The following RIF1 variants were observed in gnomAD, a reference collection of about 807,000 sequenced individuals.
The protein encoded by RIF1 is telomere-associated protein RIF1.
Under a neutral mutation model 247.1 loss-of-function variants are expected in RIF1, and 45 were observed. The ratio of observed to expected loss-of-function variants is 0.18; its 90% CI spans 0.14 to 0.23. RIF1 has a LOEUF of 0.23. RIF1 is among the 10% of genes least tolerant of loss of function. The pLI, the probability that RIF1 is intolerant of heterozygous loss-of-function variation, is 1.00. For synonymous variants in RIF1, 1,087 were observed against 978.8 expected, an observed-to-expected ratio of 1.11 and a Z score of -2.06; for missense variants, 2,967 against 2,862.5, an observed-to-expected ratio of 1.04 and a Z score of -0.83.
intron 8 of RIF1, among the ~76,000 whole-genome samples, chr2:151,424,251 G>A (rs1688631310): frequency 6.6e-6 from 1 of 152,098 alleles, no homozygotes; most frequent in South Asian, 2.1e-4. Flanking sequence ...CTACAGGCAT[G>A]TGCCAGTATG....
At chr2:151,446,631 G>A in intron 20 of RIF1, 56 bp downstream of exon 20, 2 of 1,534,814 alleles carry the variant, frequency 1.3e-6, no homozygotes, top group South Asian at 1.2e-5. Context: ...TTCTTTTCAA[G>A]TAAATGGAGA....
At chr2:151,530,392 C>A in the RIF1 span, among the ~76,000 whole-genome samples, 5 of 152,034 alleles carry the variant, frequency 3.3e-5, no homozygotes, top group Non-Finnish European at 7.4e-5. Context: ...TCGAGGGCCT[C>A]GATCTGGGCT....
At chr2:151,413,867 T>TA (rs1308903207) in intron 3 of RIF1, among the ~76,000 whole-genome samples, 1 of 152,200 alleles carries the variant, frequency 6.6e-6, no homozygotes, top group Non-Finnish European at 1.5e-5. Context: ...TTCAAATAGA[T>TA]ATGGGGGTTT....
At chr2:151,491,499 TA>T (rs1407000201) in intron 9 of RIF1, 1 of 502,846 alleles carries the variant, frequency 2.0e-6, no homozygotes, top group African/African-American at 1.9e-5. Flanking sequence ...AAATTTTTTC[TA>T]ACTTGAACTT....
intron 26 of RIF1, 150 bp downstream of exon 26, chr2:151,460,269 T>G: frequency 1.6e-6 from 1 of 618,144 alleles, no homozygotes; most frequent in East Asian, 3.2e-5. Context: ...GAAAGACTGC[T>G]AGGATAGCAT....
chr2:151,415,175 G>A (rs1202179541), intron 4 of RIF1, among the ~76,000 whole-genome samples: 3 of 151,744 alleles, frequency 2.0e-5, no homozygotes, highest in Admixed American at 6.6e-5. Flanking sequence ...GTGAAACCCC[G>A]TCTGTACTAA....
intron 9 of RIF1, among the ~76,000 whole-genome samples, chr2:151,487,940 C>T (rs900015393): frequency 7.2e-5 from 11 of 151,972 alleles, no homozygotes; most frequent in South Asian, 2.1e-4. Context: ...TTAAAATGTT[C>T]GAATATGATA....
chr2:151,419,551 C>T (rs985034006), intron 6 of RIF1, among the ~76,000 whole-genome samples: 4 of 152,096 alleles, frequency 2.6e-5, no homozygotes, highest in Non-Finnish European at 4.4e-5. Context: ...GTCTCGATCT[C>T]CTGACCTCAT....
the RIF1 span, chr2:151,527,496 G>C: frequency 6.2e-7 from 1 of 1,612,954 alleles, no homozygotes; most frequent in South Asian, 1.1e-5. Flanking sequence ...TTTGCTGCAG[G>C]GATGACTTGG....
At chr2:151,531,838 G>C in the RIF1 span, 1 of 1,613,060 alleles carries the variant, frequency 6.2e-7, no homozygotes, top group East Asian at 2.2e-5. Context: ...GTGTTCTGGA[G>C]TATCCACAAT....
At chr2:151,526,098 G>T in the RIF1 span, 9 of 1,611,264 alleles carry the variant, frequency 5.6e-6, no homozygotes, top group Non-Finnish European at 7.6e-6. Flanking sequence ...GCTCATTAAG[G>T]CATCTGCCTG....
chr2:151,509,381 A>G (rs566536629), downstream of RIF1, among the ~76,000 whole-genome samples: 3 of 152,258 alleles, frequency 2.0e-5, no homozygotes, highest in African/African-American at 4.8e-5. Flanking sequence ...CTTTTATTTT[A>G]TTTTTATTGT....
intron 12 of RIF1, chr2:151,505,692 C>T (rs1575427754): frequency 1.3e-6 from 1 of 783,642 alleles, no homozygotes; most frequent in Non-Finnish European, 2.2e-6. Flanking sequence ...ATAACGCAGG[C>T]TTTATACTTA....
rs750415373 is a variant in RIF1, at chr2:151,458,831, A to G, written c.2876A>G (p.Lys959Arg). Residue 959 changes from lysine (K) to arginine (R), a missense_variant, in exon 25 of 36, where the codon AAA (lysine) becomes AGA (arginine). By Grantham distance (26) the Lys-to-Arg change is conservative. Transcript: ENST00000444746. ...TAAAGACCAGTACTAACACAAGCCA[A>G]ACAAAAATTTCTGCTCCTGTTGCCT... ...EELKPVLTQA[K>R]QKFLLLLPGL... 2 of 1,612,368 alleles carry G rather than the reference A, an allele frequency of 1.2e-6. No homozygotes were observed. Among genetic ancestry groups the G allele is most frequent in the Admixed American group, 1.7e-5 (1 of 59,818 alleles).
At position 151,494,205 on chromosome 2, in the gene RIF1, G is replaced by C; in HGVS notation, c.*416-1024G>C. On this transcript the variant is annotated intron_variant and NMD_transcript_variant, in intron 9 of 13. Coordinates refer to the RIF1 transcript ENST00000454583. ...TTGCGTTTGACTCTCTGCATCTCAGGAGTGACAGGGGTTGCGGTGGCTTTC... is the reference window on the plus strand; with the variant it reads ...TTGCGTTTGACTCTCTGCATCTCAGCAGTGACAGGGGTTGCGGTGGCTTTC... The C allele has an allele frequency of 6.2e-7, 1 of 1,608,378 alleles. No homozygotes were observed. Among genetic ancestry groups the C allele is most frequent in the Non-Finnish European group, 8.5e-7 (1 of 1,177,042 alleles).
Position 151,490,015 on chromosome 2 carries a change from G to A in RIF1, c.*416-5214G>A. Reference sequence around the variant, plus strand: ...GATGGGATGGAAGATACCGTTGTCTGTTGGGTAGCAACTGAAGATGATCGT... The same window carrying A: ...GATGGGATGGAAGATACCGTTGTCTATTGGGTAGCAACTGAAGATGATCGT... On this transcript the variant is annotated intron_variant and NMD_transcript_variant, in intron 9 of 13. Transcript: ENST00000454583. 2 of 1,613,546 alleles carry A rather than the reference G, an allele frequency of 1.2e-6. No individual in the cohort carries two copies. The highest frequency in any genetic ancestry group is 2.2e-5 in the East Asian group (1 of 44,856).
chr2:151,524,376 C>T, the RIF1 span: 62 of 1,613,872 alleles, frequency 3.8e-5, no homozygotes, highest in Admixed American at 1.0e-4. Flanking sequence ...ATGCTTAAGC[C>T]ATGGCTGCCT....
chr2:151,427,921 G>C (rs1689410179), intron 8 of RIF1, among the ~76,000 whole-genome samples: 2 of 152,160 alleles, frequency 1.3e-5, no homozygotes, highest in Admixed American at 1.3e-4. Context: ...GCCAGGCATG[G>C]TGGCACGCAC....
At chr2:151,524,191 T>G in the RIF1 span, 1 of 801,746 alleles carries the variant, frequency 1.2e-6, no homozygotes, top group Admixed American at 2.4e-5. Context: ...TCTTGGAAGC[T>G]TTGCAGTACT....
Sources: allele counts gnomAD v4.1 joint callset (sites outside exome capture counted in the v4.1 genomes callset), GRCh38; gene constraint gnomAD v4.1.1; transcripts MANE v1.5; gene names NCBI Gene and HGNC (gene_info 2026-07-23, HGNC 2026-07-21).